RIT2: variants seen among roughly 807,000 people sequenced by gnomAD.
RIT2 encodes GTP-binding protein Rit2.
Under a neutral mutation model 23.7 loss-of-function variants are expected in RIT2, and 24 were observed. That is an observed-to-expected ratio of 1.01 (90% CI 0.73 to 1.43). The LOEUF (loss-of-function observed/expected upper bound fraction) is 1.43. RIT2 is among the 40% of genes most tolerant of loss of function. The pLI is 0.00. For synonymous variants in RIT2, 107 were observed against 91.1 expected (o/e 1.17, Z -0.99); for missense variants, 236 against 266.9 (o/e 0.88, Z 0.81).
At chr18:42,938,290 G>A (rs1400997845) in intron 3 of RIT2, among the ~76,000 whole-genome samples, 1 of 152,192 alleles carries the variant, frequency 6.6e-6, no homozygotes, top group Non-Finnish European at 1.5e-5. Flanking sequence ...AAGCCTGGTG[G>A]TAGAAATGCC....
chr18:43,101,113 T>C (rs1204511353), intron 1 of RIT2, among the ~76,000 whole-genome samples: 2 of 152,084 alleles, frequency 1.3e-5, no homozygotes, highest in Non-Finnish European at 2.9e-5. Context: ...AATGAACATG[T>C]AGACTTTTAA....
At chr18:42,959,401 G>C (rs947696670) in intron 3 of RIT2, among the ~76,000 whole-genome samples, 2 of 152,122 alleles carry the variant, frequency 1.3e-5, no homozygotes, top group Non-Finnish European at 2.9e-5. Flanking sequence ...TATATAATAA[G>C]TTTAACAAGT....
chr18:42,819,476 TCTAAAG>T (rs1906089571), intron 4 of RIT2, among the ~76,000 whole-genome samples: 1 of 152,062 alleles, frequency 6.6e-6, no homozygotes, highest in African/African-American at 2.4e-5. Context: ...TGTTTTTCCT[TCTAAAG>T]CAAGCTTGAC....
intron 1 of RIT2, among the ~76,000 whole-genome samples, chr18:43,039,628 G>A (rs928820884): frequency 3.9e-5 from 6 of 152,046 alleles, no homozygotes; most frequent in African/African-American, 1.4e-4. Flanking sequence ...GATTACAGGC[G>A]TGAGCCACCA....
chr18:42,853,885 C>T (rs1027294386), intron 4 of RIT2, among the ~76,000 whole-genome samples: 1 of 152,120 alleles, frequency 6.6e-6, no homozygotes, highest in African/African-American at 2.4e-5. Flanking sequence ...GTTTATGTTC[C>T]AATTAAATGA....
intron 1 of RIT2, among the ~76,000 whole-genome samples, chr18:43,051,489 TC>T (rs1912383118): frequency 6.6e-6 from 1 of 152,062 alleles, no homozygotes; most frequent in Non-Finnish European, 1.5e-5. Flanking sequence ...ACAAAAAATT[TC>T]CATCCAGGAG....
chr18:43,005,731 A>T (rs1911212359), intron 2 of RIT2, among the ~76,000 whole-genome samples: 1 of 151,832 alleles, frequency 6.6e-6, no homozygotes, highest in South Asian at 2.1e-4. Context: ...ACCCAAAAAT[A>T]TGATTAGATT....
intron 2 of RIT2, among the ~76,000 whole-genome samples, chr18:43,020,411 G>A (rs183200614): frequency 6.6e-6 from 1 of 152,082 alleles, no homozygotes; most frequent in East Asian, 2.0e-4. Context: ...ACTTGAACCT[G>A]GGAGGCGGAG....
intron 4 of RIT2, among the ~76,000 whole-genome samples, chr18:42,864,043 GAA>G (rs35294397): frequency 7.0e-6 from 1 of 143,648 alleles, no homozygotes; most frequent in African/African-American, 2.5e-5. Flanking sequence ...ATAAGAAAAT[GAA>G]AAAAAAAAAC....
chr18:42,890,406 C>T (rs953317465), intron 4 of RIT2, among the ~76,000 whole-genome samples: 1 of 150,414 alleles, frequency 6.6e-6, no homozygotes, highest in African/African-American at 2.4e-5. Context: ...CTATCTACTA[C>T]ACAGCTTAAA....
intron 4 of RIT2, among the ~76,000 whole-genome samples, chr18:42,828,003 CAAAAAAAAAAAAAA>C (rs200737336): frequency 2.7e-4 from 14 of 51,752 alleles, no homozygotes; most frequent in Non-Finnish European, 5.2e-4. Flanking sequence ...GACTCCGTCT[CAAAAAAAAAAAAAA>C]AAAAAAAAAA....
At chr18:42,879,887 A>G (rs1474848915) in intron 4 of RIT2, among the ~76,000 whole-genome samples, 1 of 152,180 alleles carries the variant, frequency 6.6e-6, no homozygotes, top group Non-Finnish European at 1.5e-5. Context: ...ATCTCAATGT[A>G]TTTATAGGTA....
At chr18:42,806,262 A>G (rs1189015778) in intron 4 of RIT2, among the ~76,000 whole-genome samples, 1 of 151,834 alleles carries the variant, frequency 6.6e-6, no homozygotes, top group Admixed American at 6.6e-5. Context: ...TGAGGTCAAG[A>G]GTTCGAGACC....
At chr18:42,840,910 G>A (rs140173130) in intron 4 of RIT2, among the ~76,000 whole-genome samples, 122 of 152,268 alleles carry the variant, frequency 8.0e-4, no homozygotes, top group African/African-American at 2.6e-3. Context: ...ACTCAAAACC[G>A]CGTCTGTCAT....
At position 43,050,319 on chromosome 18, in the gene RIT2, C is replaced by A. The variant is rs115246921; in HGVS notation, c.104-16452G>T. On this transcript the variant is annotated intron_variant, in intron 1 of 4. Coordinates refer to ENST00000326695, the MANE Select transcript of RIT2 (RefSeq NM_002930.4). The stretch of plus-strand genomic sequence containing the variant: ...GCACTAGGATTATAGGTGTAAGCAA[C>A]CTTGCCCAGCAGAATTGATTTTTGA... 3.0e-3 allele frequency among the ~76,000 whole-genome samples: 451 copies of A among 152,052 alleles called. 2 individuals carry two copies. Among genetic ancestry groups the A allele is most frequent in the African/African-American group, 8.9e-3 (368 of 41,500 alleles).
intron 4 of RIT2, among the ~76,000 whole-genome samples, chr18:42,781,202 G>A (rs1035323865): frequency 9.1e-6 from 1 of 110,352 alleles, no homozygotes; most frequent in Non-Finnish European, 2.0e-5. Context: ...TATTGTATAA[G>A]GAGTAATAAA....
intron 2 of RIT2, among the ~76,000 whole-genome samples, chr18:42,994,276 A>G (rs1320080380): frequency 6.6e-6 from 1 of 152,138 alleles, no homozygotes; most frequent in African/African-American, 2.4e-5. Context: ...ACTTCAGTCA[A>G]GCCCAAATTT....
At chr18:42,911,319 G>T (rs1908764142) in intron 4 of RIT2, among the ~76,000 whole-genome samples, 1 of 151,742 alleles carries the variant, frequency 6.6e-6, no homozygotes, top group African/African-American at 2.4e-5. Context: ...AAATAATAAA[G>T]ATAACATCAG....
chr18:42,822,329 T>C (rs1030315604), intron 4 of RIT2, among the ~76,000 whole-genome samples: 1 of 152,130 alleles, frequency 6.6e-6, no homozygotes, highest in Non-Finnish European at 1.5e-5. Flanking sequence ...CAATGGCTAA[T>C]CATGCATAAA....
Sources: allele counts gnomAD v4.1 joint callset (sites outside exome capture counted in the v4.1 genomes callset), GRCh38; gene constraint gnomAD v4.1.1; transcripts MANE v1.5; gene names NCBI Gene and HGNC (gene_info 2026-07-23, HGNC 2026-07-21).